Variants in NFIC observed in about 807,000 individuals in gnomAD.
NFIC encodes the protein nuclear factor 1 C-type.
A neutral mutation model predicts 54.4 loss-of-function variants in NFIC; 12 were observed. The observed-to-expected ratio is 0.22, with a 90% CI of 0.14 to 0.36. NFIC has a LOEUF of 0.36. Among genes scored for constraint, NFIC ranks in the 10% least tolerant of loss-of-function variants. The pLI, the probability that NFIC is intolerant of heterozygous loss-of-function variation, is 1.00. For synonymous variants in NFIC, 322 were observed against 319.2 expected (o/e 1.01, Z -0.09); for missense variants, 575 against 718.2 (o/e 0.80, Z 2.28).
At chr19:3,373,716 A>G (rs1184035131) in intron 1 of NFIC, among the ~76,000 whole-genome samples, 2 of 147,084 alleles carry the variant, frequency 1.4e-5, no homozygotes, top group South Asian at 2.1e-4. Flanking sequence ...TTGACGTTTT[A>G]TTACATATTT....
chr19:3,447,831 G>C (rs191493161), intron 6 of NFIC, among the ~76,000 whole-genome samples: 23 of 152,346 alleles, frequency 1.5e-4, no homozygotes, highest in Middle Eastern at 3.4e-3. Flanking sequence ...GGTGCCTGGA[G>C]GGGGAGGGAA....
At chr19:3,376,392 G>A (rs1234996238) in intron 1 of NFIC, among the ~76,000 whole-genome samples, 1 of 113,154 alleles carries the variant, frequency 8.8e-6, no homozygotes, top group Non-Finnish European at 1.6e-5. Flanking sequence ...TCATGCCACC[G>A]CCCTCCAGCC....
intron 2 of NFIC, among the ~76,000 whole-genome samples, chr19:3,409,494 C>T (rs2081714433): frequency 6.6e-6 from 1 of 152,204 alleles, no homozygotes; most frequent in African/African-American, 2.4e-5. Context: ...TCCCCACTTC[C>T]TTCTCTGCCA....
chr19:3,429,803 A>G (rs899605286), intron 3 of NFIC, among the ~76,000 whole-genome samples: 1 of 152,110 alleles, frequency 6.6e-6, no homozygotes. Context: ...GCAACTTGCC[A>G]AGTGCATTTC....
At chr19:3,380,997 T>C (rs1260956278) in intron 1 of NFIC, among the ~76,000 whole-genome samples, 1 of 152,102 alleles carries the variant, frequency 6.6e-6, no homozygotes, top group Non-Finnish European at 1.5e-5. Context: ...CTGACATCTT[T>C]GTTCTCCCAA....
At chr19:3,450,772 A>G (rs528254644) in intron 7 of NFIC, among the ~76,000 whole-genome samples, 1 of 152,332 alleles carries the variant, frequency 6.6e-6, no homozygotes, top group South Asian at 2.1e-4. Flanking sequence ...CTAGTGATCA[A>G]CTATTTAGTT....
chr19:3,418,154 G>A lies in NFIC; in HGVS notation c.563-6952G>A, dbSNP rs1299834827. ...CGCTCTGTCACCCAAGCTGGAGTGC[G>A]GTGACTCCATCATAACTCACTGCAA... is the stretch of plus-strand genomic sequence containing the variant. On this transcript the variant is annotated intron_variant, in intron 2 of 10. Coordinates refer to ENST00000443272, the MANE Select transcript of NFIC (RefSeq NM_001245002.2). Among the ~76,000 whole-genome samples, 6 of 147,024 alleles carry A rather than the reference G, an allele frequency of 4.1e-5. No homozygotes were observed. The East Asian group carries it at 6.0e-4, about 15-fold the overall frequency.
chr19:3,373,105 A>G (rs2081050387), intron 1 of NFIC, among the ~76,000 whole-genome samples: 1 of 152,170 alleles, frequency 6.6e-6, no homozygotes, highest in African/African-American at 2.4e-5. Context: ...TCGGCCTCCC[A>G]AAGTGCTGGG....
rs183925198 is a variant in NFIC, at chr19:3,385,367, G to A, written c.562+3124G>A. 8.2e-4 allele frequency among the ~76,000 whole-genome samples: 124 copies of A among 152,112 alleles called. 6 individuals are homozygous for A. Among genetic ancestry groups the A allele is most frequent in the Non-Finnish European group, 7.2e-4 (49 of 67,988 alleles). On this transcript the variant is annotated intron_variant, in intron 2 of 10. Transcript: ENST00000443272. The stretch of plus-strand genomic sequence containing the variant: ...CATTTCCTTGTCTATAAACTGGGGG[G>A]CTCAAAACTGGTTGCCTTGTGGGAA...
chr19:3,449,202 C>A lies in NFIC; in HGVS notation c.1084+63C>A. 3 of 1,559,782 alleles carry A rather than the reference C, an allele frequency of 1.9e-6. No individual in the cohort carries two copies. In the South Asian group the frequency reaches 3.5e-5, roughly 18 times the overall value. ...GCCCTCCTATCAGGCCTCTCACAGC[C>A]GGGGAAGTCCCACTGGATGTCTGAC... On this transcript the variant is annotated intron_variant, in intron 7 of 10. Coordinates refer to ENST00000443272, the MANE Select transcript of NFIC (RefSeq NM_001245002.2).
chr19:3,398,979 C>G (rs1230779136), intron 2 of NFIC, among the ~76,000 whole-genome samples: 1 of 152,264 alleles, frequency 6.6e-6, no homozygotes, highest in Non-Finnish European at 1.5e-5. Flanking sequence ...TCACTATATT[C>G]TTTCCCCAGG....
intron 2 of NFIC, among the ~76,000 whole-genome samples, chr19:3,406,383 C>T (rs12985117): frequency 6.3e-5 from 7 of 110,272 alleles, no homozygotes; most frequent in South Asian, 3.2e-4. Context: ...CATGAGCCAC[C>T]GTGCCCTGCC....
At chr19:3,366,959 T>A (rs906396400) in intron 1 of NFIC, among the ~76,000 whole-genome samples, 1 of 130,704 alleles carries the variant, frequency 7.7e-6, no homozygotes, top group Non-Finnish European at 1.7e-5. Flanking sequence ...CAGATTTGCG[T>A]CCCCCCCCCA....
intron 3 of NFIC, among the ~76,000 whole-genome samples, chr19:3,428,903 G>A (rs1226140314): frequency 1.3e-5 from 2 of 151,978 alleles, no homozygotes; most frequent in Non-Finnish European, 2.9e-5. Flanking sequence ...GGACACTCGG[G>A]GGCCACCGCT....
intron 3 of NFIC, among the ~76,000 whole-genome samples, chr19:3,429,253 T>C (rs74178427): frequency 0.037 from 1,895 of 50,718 alleles, 278 homozygotes; most frequent in Middle Eastern, 0.071. Flanking sequence ...AAAAAATATA[T>C]ACACACACAC....
chr19:3,446,428 C>G (rs1186882497), intron 6 of NFIC, among the ~76,000 whole-genome samples: 1 of 152,186 alleles, frequency 6.6e-6, no homozygotes, highest in African/African-American at 2.4e-5. Context: ...GCCAGGGACT[C>G]TGCTCAGCAC....
chr19:3,449,358 C>T (rs1435601707), intron 7 of NFIC, among the ~76,000 whole-genome samples: 1 of 152,152 alleles, frequency 6.6e-6, no homozygotes, highest in Non-Finnish European at 1.5e-5. Flanking sequence ...CAGTTTCCCC[C>T]CTGTATAACA....
Position 3,375,854 on chromosome 19 carries a change from C to A in NFIC, c.31-5858C>A, listed in dbSNP as rs374659949. 6.6e-6 allele frequency among the ~76,000 whole-genome samples: 1 copy of A among 152,170 alleles called. No individual in the cohort carries two copies. The highest frequency in any genetic ancestry group is 1.5e-5 in the Non-Finnish European group (1 of 68,028). ...GCCCATCCCGGCCTGGAAATGGGAC[C>A]GAGTCCAGCCACATCCGCTGGCACA... is the stretch of plus-strand genomic sequence containing the variant. On this transcript the variant is annotated intron_variant, in intron 1 of 10. Coordinates refer to ENST00000443272, the MANE Select transcript of NFIC (RefSeq NM_001245002.2). This position sits in a 1 kb window ranked among gnomAD's most constrained non-coding sequence, Gnocchi z 4.6.
At chr19:3,377,272 T>C (rs982802610) in intron 1 of NFIC, among the ~76,000 whole-genome samples, 6 of 133,210 alleles carry the variant, frequency 4.5e-5, no homozygotes, top group African/African-American at 1.7e-4. Context: ...AGGTAGAGTT[T>C]GCAGTGAGCT....
Sources: gnomAD v4.1 joint callset for allele counts (sites outside exome capture counted in the v4.1 genomes callset) on GRCh38, gnomAD v4.1.1 for gene constraint, Gnocchi (gnomAD v3.1) non-coding constraint, MANE v1.5 for transcripts, NCBI Gene and HGNC (gene_info 2026-07-23, HGNC 2026-07-21) for gene names.